TRIM71: variants seen among roughly 807,000 people sequenced by gnomAD.
TRIM71 encodes the protein E3 ubiquitin-protein ligase TRIM71.
Under a neutral mutation model 61.2 loss-of-function variants are expected in TRIM71, and 9 were observed. The observed-to-expected ratio is 0.15, with a 90% CI of 0.09 to 0.26. The LOEUF (loss-of-function observed/expected upper bound fraction) is 0.26. Among genes scored for constraint, TRIM71 ranks in the 10% least tolerant of loss-of-function variants. TRIM71 has a pLI of 1.00. For synonymous variants in TRIM71, 645 were observed against 553.2 expected (o/e 1.17, Z -2.33); for missense variants, 998 against 1,238.7 (o/e 0.81, Z 2.92).
intron 1 of TRIM71, among the ~76,000 whole-genome samples, chr3:32,822,253 G>A (rs1696143341): frequency 6.6e-6 from 1 of 152,124 alleles, no homozygotes; most frequent in Non-Finnish European, 1.5e-5. Flanking sequence ...CCCCACCCGA[G>A]GATGGCAATA....
chr3:32,866,891 G>A (rs1696742137), intron 1 of TRIM71, among the ~76,000 whole-genome samples: 1 of 152,132 alleles, frequency 6.6e-6, no homozygotes, highest in African/African-American at 2.4e-5. Flanking sequence ...AATTTTTAAA[G>A]AAAATTAGGG....
Position 32,894,809 on chromosome 3 carries a change from A to G in TRIM71, c.*2998A>G, listed in dbSNP as rs886906454. 11 of 152,206 alleles carry G rather than the reference A, an allele frequency of 7.2e-5. No homozygotes were observed. The highest frequency in any genetic ancestry group is 2.7e-4 in the African/African-American group (11 of 41,466). 9.4% of individuals were successfully genotyped at this position (152,206 alleles called of 1,614,324 possible). On this transcript the variant is annotated 3_prime_UTR_variant, in exon 4 of 4. Coordinates refer to ENST00000383763, the MANE Select transcript of TRIM71 (RefSeq NM_001039111.3). The stretch of plus-strand genomic sequence containing the variant: ...AAAAGTACCTGTGTTTAAATGCATA[A>G]TCTCCTGCCCGGGTAATGCCAGGTA...
intron 3 of TRIM71, among the ~76,000 whole-genome samples, chr3:32,889,689 A>G (rs2125693230): frequency 6.6e-6 from 1 of 151,774 alleles, no homozygotes; most frequent in East Asian, 1.9e-4. Context: ...CTCGGGTTCA[A>G]GCGATTCTCC....
chr3:32,824,479 G>C (rs958720782), intron 1 of TRIM71, among the ~76,000 whole-genome samples: 1 of 150,784 alleles, frequency 6.6e-6, no homozygotes, highest in Non-Finnish European at 1.5e-5. Context: ...TTACAGGCAA[G>C]AGCCACCGCG....
chr3:32,842,054 G>A (rs1269848828), intron 1 of TRIM71, among the ~76,000 whole-genome samples: 2 of 152,182 alleles, frequency 1.3e-5, no homozygotes, highest in Non-Finnish European at 2.9e-5. Context: ...GATTGCCCCT[G>A]TAATTTCAGC....
Position 32,818,545 on chromosome 3 carries a change from C to T in TRIM71, c.465C>T (p.His155=). The change falls in exon 1 of 4, where the codon CAC becomes CAT. Residue 155 remains histidine, a synonymous_variant. Coordinates refer to ENST00000383763, the MANE Select transcript of TRIM71 (RefSeq NM_001039111.3). The part of the protein sequence containing the change: ...GHSNHRHHAH[H]AHPRASASAP... ...GCAACCACCGGCACCACGCTCACCA[C>T]GCGCACCCGCGCGCGTCCGCCTCCG... The T allele has an allele frequency of 7.9e-7, 1 of 1,269,296 alleles. No homozygotes were observed. 78.6% of individuals were successfully genotyped at this position (1,269,296 alleles called of 1,614,324 possible). A position where few individuals can be genotyped will look rare whatever the true frequency, so the allele number is the denominator to read the frequency against.
chr3:32,839,827 C>T (rs930666196), intron 1 of TRIM71, among the ~76,000 whole-genome samples: 5 of 151,846 alleles, frequency 3.3e-5, no homozygotes, highest in South Asian at 4.2e-4. Flanking sequence ...GGGTGCTGCC[C>T]GGGGAAGAGG....
intron 3 of TRIM71, among the ~76,000 whole-genome samples, chr3:32,886,466 T>C (rs1696963016): frequency 6.6e-6 from 1 of 152,210 alleles, no homozygotes; most frequent in Non-Finnish European, 1.5e-5. Flanking sequence ...AGTTTTCCTC[T>C]TCGGAGGGCA....
At chr3:32,843,526 C>T (rs1225585793) in intron 1 of TRIM71, among the ~76,000 whole-genome samples, 2 of 152,148 alleles carry the variant, frequency 1.3e-5, no homozygotes. Context: ...GGCAAAAGAG[C>T]TCTGGGAAGG....
intron 1 of TRIM71, among the ~76,000 whole-genome samples, chr3:32,853,936 G>A (rs926378587): frequency 6.6e-6 from 1 of 152,108 alleles, no homozygotes; most frequent in Non-Finnish European, 1.5e-5. Context: ...CTCAAGAGGC[G>A]GGGGTTGCAA....
rs1158210417 is a variant in TRIM71 at position 32,894,105 on chromosome 3, A to G, written c.*2294A>G. 6.6e-6 allele frequency: 1 copy of G among 152,120 alleles called. No individual in the cohort carries two copies. Among genetic ancestry groups the G allele is most frequent in the African/African-American group, 2.4e-5 (1 of 41,428 alleles). The allele number at this position is 152,120 out of a possible 1,614,324, so 9.4% of individuals were successfully genotyped here. ...TGGTAAAGAGTTAATATAATTAAACATTTTTACTGTTTTCTATTTTGGAGT... is the reference window on the plus strand; with the variant it reads ...TGGTAAAGAGTTAATATAATTAAACGTTTTTACTGTTTTCTATTTTGGAGT... On this transcript the variant is annotated 3_prime_UTR_variant, in exon 4 of 4. Coordinates refer to ENST00000383763, the MANE Select transcript of TRIM71 (RefSeq NM_001039111.3).
intron 1 of TRIM71, among the ~76,000 whole-genome samples, chr3:32,837,313 T>C (rs757421986): frequency 6.8e-4 from 103 of 152,336 alleles, no homozygotes; most frequent in Non-Finnish European, 1.3e-3. Flanking sequence ...AATCAAGATA[T>C]AGGACATTTC....
chr3:32,876,230 C>G (rs1332922584), intron 2 of TRIM71, among the ~76,000 whole-genome samples: 2 of 152,028 alleles, frequency 1.3e-5, no homozygotes, highest in Non-Finnish European at 2.9e-5. Flanking sequence ...AATGCCTTAC[C>G]CTGCTGGTGT....
At chr3:32,848,737 C>G (rs988896306) in intron 1 of TRIM71, among the ~76,000 whole-genome samples, 5 of 152,100 alleles carry the variant, frequency 3.3e-5, no homozygotes, top group Non-Finnish European at 7.4e-5. Flanking sequence ...TGAATGAAAC[C>G]TGGGGCAGTG....
At chr3:32,882,493 A>G (rs944647512) in intron 2 of TRIM71, among the ~76,000 whole-genome samples, 2 of 152,078 alleles carry the variant, frequency 1.3e-5, no homozygotes, top group African/African-American at 2.4e-5. Context: ...CATGTATGGG[A>G]AAAGGACTTC....
intron 2 of TRIM71, among the ~76,000 whole-genome samples, chr3:32,879,367 G>GT (rs1330891460): frequency 6.6e-6 from 1 of 152,192 alleles, no homozygotes; most frequent in East Asian, 1.9e-4. Flanking sequence ...ACTGTTTGGT[G>GT]TAAGAGGCCT....
intron 1 of TRIM71, among the ~76,000 whole-genome samples, chr3:32,839,236 G>A (rs1386804223): frequency 6.6e-6 from 1 of 151,862 alleles, no homozygotes; most frequent in African/African-American, 2.4e-5. Context: ...AAAGTGACAT[G>A]AGTTTTTTTT....
At chr3:32,885,331 C>T (rs1337372981) in intron 2 of TRIM71, among the ~76,000 whole-genome samples, 1 of 152,166 alleles carries the variant, frequency 6.6e-6, no homozygotes, top group Non-Finnish European at 1.5e-5. Flanking sequence ...ACGGCTGGTA[C>T]AGGGTGGCGT....
At chr3:32,865,406 A>G (rs1364679325) in intron 1 of TRIM71, among the ~76,000 whole-genome samples, 2 of 152,144 alleles carry the variant, frequency 1.3e-5, no homozygotes, top group Admixed American at 1.3e-4. Flanking sequence ...GAATCACGGA[A>G]AACTACATAC....
Sources: gnomAD v4.1 joint callset for allele counts (sites outside exome capture counted in the v4.1 genomes callset) on GRCh38, gnomAD v4.1.1 for gene constraint, MANE v1.5 for transcripts, NCBI Gene and HGNC (gene_info 2026-07-23, HGNC 2026-07-21) for gene names.